The following GSE1 variants were observed in gnomAD, a reference collection of about 807,000 sequenced individuals.
GSE1 encodes the protein Gse1 coiled-coil protein, also known as genetic suppressor element 1.
A neutral mutation model predicts 112.6 loss-of-function variants in GSE1; 32 were observed. The observed-to-expected ratio is 0.28, with a 90% CI of 0.21 to 0.38. The LOEUF (loss-of-function observed/expected upper bound fraction) is 0.38, where lower values mean the gene tolerates loss of function less well. GSE1 is among the 10% of genes least tolerant of loss of function. GSE1 has a pLI of 1.00. For synonymous variants in GSE1, 1,115 were observed against 735.6 expected (o/e 1.52, Z -8.35); for missense variants, 2,348 against 1,699.2 (o/e 1.38, Z -6.71).
chr16:85,402,090 G>C (rs2048127566), intron 2 of GSE1, among the ~76,000 whole-genome samples: 1 of 152,226 alleles, frequency 6.6e-6, no homozygotes, highest in Admixed American at 6.5e-5. Flanking sequence ...CCAAGTTTGA[G>C]AACCACTGGC....
rs2048783610 is a variant in GSE1, at chr16:85,419,640, A to C, written c.2464+61997A>C. On this transcript the variant is annotated intron_variant, in intron 2 of 2. Transcript: ENST00000637419. This position sits in a 1 kb window ranked among gnomAD's most constrained non-coding sequence, Gnocchi z 6.5. ...AAACAAAAAACAAAAAACAAAAAAT[A>C]ACATTATGCCAGAACATGCCAGCCT... Among the ~76,000 whole-genome samples the C allele has an allele frequency of 6.6e-6, 1 of 151,972 alleles. No homozygotes were observed. The highest frequency in any genetic ancestry group is 1.9e-4 in the East Asian group (1 of 5,190).
intron 1 of GSE1, among the ~76,000 whole-genome samples, chr16:85,276,280 C>A (rs1201674737): frequency 1.3e-5 from 2 of 152,236 alleles, no homozygotes; most frequent in Non-Finnish European, 2.9e-5. Flanking sequence ...ACTTGAATCT[C>A]CCCGCTTGTT....
At chr16:85,193,651 G>A (rs1231299455) in intron 1 of GSE1, among the ~76,000 whole-genome samples, 1 of 151,800 alleles carries the variant, frequency 6.6e-6, no homozygotes, top group Non-Finnish European at 1.5e-5. Context: ...GCAGAGACAG[G>A]GTTTTGCCAT....
chr16:85,324,538 C>CATCGGA (rs2046185969), intron 1 of GSE1, among the ~76,000 whole-genome samples: 1 of 149,580 alleles, frequency 6.7e-6, no homozygotes, highest in Non-Finnish European at 1.5e-5. Context: ...AAAAAGAAAA[C>CATCGGA]ATCGGAACAT....
upstream of GSE1, chr16:85,613,310 G>T (rs967612625): frequency 2.6e-6 from 4 of 1,546,968 alleles, no homozygotes; most frequent in Middle Eastern, 1.7e-4. Context: ...AGCAGCCCCG[G>T]GTGAGATAAG....
At chr16:85,514,426 T>C (rs1282484554) in intron 2 of GSE1, among the ~76,000 whole-genome samples, 1,430 of 58,844 alleles carry the variant, frequency 0.024, 52 homozygotes, top group African/African-American at 0.077. Context: ...TGCTCTCGAG[T>C]CCCCCCCCCC....
At chr16:85,555,422 G>T (rs917846402), upstream of GSE1, 57 of 982,158 alleles carry the variant, frequency 5.8e-5, no homozygotes, top group Middle Eastern at 5.2e-4. Flanking sequence ...GGTGGCGAGA[G>T]GGGGAGGGGA....
At chr16:85,362,139 A>G (rs761547722) in intron 2 of GSE1, among the ~76,000 whole-genome samples, 22 of 152,226 alleles carry the variant, frequency 1.4e-4, no homozygotes, top group Admixed American at 3.3e-4. Flanking sequence ...CTGGCAGGCA[A>G]GGCCCAAACG....
chr16:85,241,554 G>A (rs1389841497), intron 1 of GSE1, among the ~76,000 whole-genome samples: 1 of 151,408 alleles, frequency 6.6e-6, no homozygotes, highest in Non-Finnish European at 1.5e-5. Flanking sequence ...CGCAGGGAGG[G>A]GGCCTTGGTG....
intron 2 of GSE1, among the ~76,000 whole-genome samples, chr16:85,550,323 C>G (rs939419390): frequency 6.6e-6 from 1 of 152,168 alleles, no homozygotes; most frequent in Non-Finnish European, 1.5e-5. Context: ...CCTCTCTGTT[C>G]TTCATCTGGA....
intron 1 of GSE1, among the ~76,000 whole-genome samples, chr16:85,631,004 A>G (rs1051527648): frequency 5.9e-5 from 9 of 151,432 alleles, no homozygotes; most frequent in Non-Finnish European, 1.2e-4. Flanking sequence ...CTGCTGCAGT[A>G]TCCCCTGGGG....
At chr16:85,654,138 G>A (rs572444576) in intron 3 of GSE1, 140 bp from the exon 4 acceptor site, 52 of 760,670 alleles carry the variant, frequency 6.8e-5, no homozygotes, top group African/African-American at 1.1e-4. Context: ...CATGTTTTGC[G>A]TAGAAAGCCT....
At chr16:85,251,211 G>A (rs375915158) in intron 1 of GSE1, among the ~76,000 whole-genome samples, 2 of 152,334 alleles carry the variant, frequency 1.3e-5, no homozygotes, top group South Asian at 2.1e-4. Flanking sequence ...AGTGCTCTCC[G>A]CAGAGCAGCT....
At chr16:85,177,393 A>G (rs921163270) in intron 1 of GSE1, among the ~76,000 whole-genome samples, 9 of 152,238 alleles carry the variant, frequency 5.9e-5, no homozygotes, top group African/African-American at 2.2e-4. Context: ...TAGTGGGGAC[A>G]CTGAAGAGAG....
chr16:85,449,607 G>A (rs1163460326), intron 2 of GSE1, among the ~76,000 whole-genome samples: 1 of 152,246 alleles, frequency 6.6e-6, no homozygotes, highest in Non-Finnish European at 1.5e-5. Flanking sequence ...CGGAATGGAC[G>A]CTTATGAAGC....
intron 1 of GSE1, chr16:85,595,488 C>T (rs1360247745): frequency 1.3e-5 from 2 of 152,186 alleles, no homozygotes; most frequent in African/African-American, 4.8e-5. Context: ...GGCTCAGAGT[C>T]CTCATGGTCT....
At chr16:85,659,894 T>C (rs2052290923) in intron 8 of GSE1, among the ~76,000 whole-genome samples, 1 of 152,236 alleles carries the variant, frequency 6.6e-6, no homozygotes, top group South Asian at 2.1e-4. Context: ...CACAGGCCAC[T>C]TGGGCAGTGG....
intron 1 of GSE1, among the ~76,000 whole-genome samples, chr16:85,567,040 A>G (rs931922968): frequency 4.6e-5 from 5 of 108,134 alleles, no homozygotes; most frequent in East Asian, 3.8e-4. Context: ...TCCCGCCCCC[A>G]CCCCCACCCC....
At chr16:85,364,133 G>A (rs2047138131) in intron 2 of GSE1, among the ~76,000 whole-genome samples, 1 of 152,230 alleles carries the variant, frequency 6.6e-6, no homozygotes, top group African/African-American at 2.4e-5. Flanking sequence ...GGGGGCTCCA[G>A]GGGAGAATCT....
Sources: allele counts gnomAD v4.1 joint callset (sites outside exome capture counted in the v4.1 genomes callset), GRCh38; gene constraint gnomAD v4.1.1; non-coding constraint Gnocchi (gnomAD v3.1); transcripts MANE v1.5; gene names NCBI Gene and HGNC (gene_info 2026-07-23, HGNC 2026-07-21).